The following ZNF469 variants were observed in gnomAD, a reference collection of about 807,000 sequenced individuals.
ZNF469 encodes zinc finger protein 469.
Under a neutral mutation model 1.0 loss-of-function variants are expected in ZNF469, and 1 was observed. The observed-to-expected ratio is 1.00, with a 90% CI of 0.35 to 4.73. ZNF469 has a LOEUF of 4.73. ZNF469 is among the 30% of genes most tolerant of loss of function. The pLI, the probability that ZNF469 is intolerant of heterozygous loss-of-function variation, is 0.16. For synonymous variants in ZNF469, 2,703 were observed against 2,363.4 expected, an observed-to-expected ratio of 1.14 and a Z score of -4.17; for missense variants, 6,100 against 5,356.3, an observed-to-expected ratio of 1.14 and a Z score of -4.33.
At chr16:88,211,034 A>C in the ZNF469 span, among the ~76,000 whole-genome samples, 45,398 of 152,198 alleles carry the variant, frequency 0.3, 7,446 homozygotes, top group South Asian at 0.37. Flanking sequence ...TTGGCCAGGA[A>C]CAGGAGATGC....
At chr16:88,279,268 T>A in the ZNF469 span, among the ~76,000 whole-genome samples, 9 of 151,768 alleles carry the variant, frequency 5.9e-5, no homozygotes, top group Admixed American at 3.9e-4. Flanking sequence ...GCTCGGTCAG[T>A]ACCGTGTAGA....
At chr16:88,135,748 G>GTTTTTTTT in the ZNF469 span, among the ~76,000 whole-genome samples, 85 of 66,080 alleles carry the variant, frequency 1.3e-3, 1 homozygote, top group Non-Finnish European at 1.8e-3. Context: ...AGCTGGCCAT[G>GTTTTTTTT]TTTTTTTTTT....
the ZNF469 span, among the ~76,000 whole-genome samples, chr16:88,365,913 C>G: frequency 6.6e-6 from 1 of 152,178 alleles, no homozygotes; most frequent in Non-Finnish European, 1.5e-5. Context: ...AAAGCCTCCT[C>G]TACCTCTTCC....
chr16:88,143,982 C>T, the ZNF469 span, among the ~76,000 whole-genome samples: 1,219 of 152,202 alleles, frequency 8.0e-3, 23 homozygotes, highest in African/African-American at 0.028. Flanking sequence ...TCCCGCCCAT[C>T]GTCAGCGTTT....
chr16:88,189,174 T>C, the ZNF469 span, among the ~76,000 whole-genome samples: 2 of 152,326 alleles, frequency 1.3e-5, no homozygotes, highest in Non-Finnish European at 2.9e-5. The surrounding 1 kb of genome is among the most constrained non-coding windows in gnomAD (Gnocchi z 4.3). Context: ...TATACCTCTG[T>C]TGGACCTTCC....
the ZNF469 span, among the ~76,000 whole-genome samples, chr16:88,228,039 C>G: frequency 2.6e-5 from 4 of 152,260 alleles, no homozygotes; most frequent in African/African-American, 9.6e-5. Context: ...GTGGCTCCTC[C>G]TTTTCTTATG....
intron 1 of ZNF469, among the ~76,000 whole-genome samples, chr16:88,409,630 A>G (rs906969389): frequency 5.3e-5 from 8 of 152,242 alleles, no homozygotes; most frequent in African/African-American, 1.7e-4. Context: ...CCCCATGCAC[A>G]TATGCTATAT....
chr16:88,430,332 C>G lies in ZNF469; in HGVS notation c.2862C>G (p.Phe954Leu), dbSNP rs1906055681. ...GGAGGGGGAAGCAGTTGAAGCTGTT[C>G]CGGAAGGATCTGGACTCGGGCGGCG... ...QQRRGKQLKL[F>L]RKDLDSGGAA... Residue 954 changes from phenylalanine (F) to leucine (L), a missense_variant, in exon 3 of 3, where the codon TTC becomes TTG. Physicochemically the swap from Phe to Leu is conservative, Grantham distance 22 (BLOSUM62 0). Transcript: ENST00000565624. The G allele has an allele frequency of 6.6e-7, 1 of 1,514,790 alleles. No homozygotes were observed. Among genetic ancestry groups the G allele is most frequent in the Non-Finnish European group, 8.8e-7 (1 of 1,135,500 alleles). 93.8% of individuals were successfully genotyped at this position (1,514,790 alleles called of 1,614,324 possible). A position where few individuals can be genotyped will look rare whatever the true frequency, so the allele number is the denominator to read the frequency against.
chr16:88,136,722 C>T, the ZNF469 span, among the ~76,000 whole-genome samples: 1 of 152,218 alleles, frequency 6.6e-6, no homozygotes, highest in Non-Finnish European at 1.5e-5. Context: ...ACGAGTCTGT[C>T]CCCAGCTGCC....
At chr16:88,293,314 TTGGATGGA>T in the ZNF469 span, among the ~76,000 whole-genome samples, 850 of 146,808 alleles carry the variant, frequency 5.8e-3, 9 homozygotes, top group African/African-American at 0.02. Context: ...GGATGGGTAA[TTGGATGGA>T]TGGATGGATG....
the ZNF469 span, among the ~76,000 whole-genome samples, chr16:88,212,997 A>G: frequency 6.6e-6 from 1 of 152,240 alleles, no homozygotes; most frequent in Admixed American, 6.5e-5. Context: ...CAAATGCTTA[A>G]GAATATTTAA....
chr16:88,385,556 T>A (rs1165453718), intron 1 of ZNF469, among the ~76,000 whole-genome samples: 1 of 151,816 alleles, frequency 6.6e-6, no homozygotes, highest in African/African-American at 2.4e-5. Context: ...GGAGAAAGGA[T>A]TGCTTAAACC....
At chr16:88,353,564 G>T in the ZNF469 span, among the ~76,000 whole-genome samples, 1 of 152,210 alleles carries the variant, frequency 6.6e-6, no homozygotes, top group Non-Finnish European at 1.5e-5. Context: ...GCCCAGAGAG[G>T]CTCCCGGAGC....
the ZNF469 span, among the ~76,000 whole-genome samples, chr16:88,104,248 TAA>T: frequency 0.043 from 5,611 of 130,446 alleles, 200 homozygotes; most frequent in East Asian, 0.21. Context: ...GACGGTATCT[TAA>T]AAAAAAAAAA....
chr16:88,321,254 A>C, the ZNF469 span, among the ~76,000 whole-genome samples: 1 of 152,282 alleles, frequency 6.6e-6, no homozygotes, highest in South Asian at 2.1e-4. Flanking sequence ...TCCGTAGGGC[A>C]GGCTGGAAAC....
In ZNF469 at chr16:88,435,268, G is replaced by A. The variant is rs1382055395; in HGVS notation, c.7798G>A (p.Asp2600Asn). 6.5e-7 allele frequency: 1 copy of A among 1,550,380 alleles called. No individual in the cohort carries two copies. The highest frequency in any genetic ancestry group is 2.4e-5 in the East Asian group (1 of 40,926). Residue 2600 changes from aspartate (D) to asparagine (N), a missense_variant, in exon 3 of 3, where the codon GAT becomes AAT. Asp to Asn is a conservative substitution (Grantham distance 23, BLOSUM62 1). Coordinates refer to ENST00000565624, the MANE Select transcript of ZNF469 (RefSeq NM_001367624.2). ...GCCCAGACCAGACCAGGCCAGGGAA[G>A]ATGAGCTGCATCCCAAACAGGCAGA... is the stretch of plus-strand genomic sequence containing the variant. The part of the protein sequence containing the change: ...SKPRPDQARE[D>N]ELHPKQAEKR...
chr16:88,353,824 G>A, the ZNF469 span, among the ~76,000 whole-genome samples: 1 of 152,190 alleles, frequency 6.6e-6, no homozygotes, highest in South Asian at 2.1e-4. Flanking sequence ...GACCGCCTGG[G>A]GCCTCCGGCA....
At position 88,437,810 on chromosome 16, in the gene ZNF469, C is replaced by G. The variant is rs1472371337; in HGVS notation, c.10340C>G (p.Pro3447Arg). The G allele has an allele frequency of 1.3e-6, 2 of 1,544,080 alleles. No individual in the cohort carries two copies. The highest frequency in any genetic ancestry group is 1.8e-6 in the Non-Finnish European group (2 of 1,142,350). Residue 3447 changes from proline to arginine, a missense_variant, in exon 3 of 3, where the codon CCC (proline) becomes CGC (arginine). By Grantham distance (103) the Pro-to-Arg change is moderately radical. Transcript: ENST00000565624. ...AAGCACCTCAGGGGGGGGCGGCAGC[C>G]CTTCGCGTTCCGCGGCGTGCGGAGG... ...MNKHLRGGRQ[P>R]FAFRGVRRPG...
the ZNF469 span, among the ~76,000 whole-genome samples, chr16:88,295,781 T>G: frequency 6.6e-6 from 1 of 152,146 alleles, no homozygotes; most frequent in Non-Finnish European, 1.5e-5. Flanking sequence ...AAGATCCCTC[T>G]CTCTGGAACA....
Sources: allele counts gnomAD v4.1 joint callset (sites outside exome capture counted in the v4.1 genomes callset), GRCh38; gene constraint gnomAD v4.1.1; non-coding constraint Gnocchi (gnomAD v3.1); transcripts MANE v1.5; gene names NCBI Gene and HGNC (gene_info 2026-07-23, HGNC 2026-07-21).